Variants in AP1S1 observed in about 807,000 individuals in gnomAD.
AP1S1 encodes AP-1 complex subunit sigma-1A.
Under a neutral mutation model 23.9 loss-of-function variants are expected in AP1S1, and 13 were observed. The ratio of observed to expected loss-of-function variants is 0.54; its 90% CI spans 0.35 to 0.86. AP1S1 has a LOEUF of 0.86. Among genes scored for constraint, AP1S1 ranks in the 40% least tolerant of loss-of-function variants. The pLI is 0.01. For synonymous variants in AP1S1, 84 were observed against 77.7 expected (o/e 1.08, Z -0.43); for missense variants, 119 against 197.6 (o/e 0.60, Z 2.38).
chr7:101,159,281 G>C, intron 4 of AP1S1, 85 bp downstream of exon 4: 1 of 1,519,798 alleles, frequency 6.6e-7, no homozygotes, highest in East Asian at 2.5e-5. Flanking sequence ...GGCCTGCCCT[G>C]CCCACCGTCG....
At position 101,159,024 on chromosome 7, in the gene AP1S1, T is replaced by G. The variant is rs373555973; in HGVS notation, c.292-35T>G. 5.7e-4 allele frequency: 916 copies of G among 1,607,976 alleles called. 1 individual carries two copies. Among genetic ancestry groups the G allele is most frequent in the Non-Finnish European group, 6.9e-4 (817 of 1,176,986 alleles). On this transcript the variant is annotated intron_variant, in intron 3 of 4. Coordinates refer to ENST00000337619, the MANE Select transcript of AP1S1 (RefSeq NM_001283.5). ...AAAAGGAAGTGGCTCCAGTTGCCCC[T>G]CCATGCTCAACTTAGCCTCTCCCCG...
chr7:101,159,717 G>A (rs1453048349), intron 4 of AP1S1, among the ~76,000 whole-genome samples: 2 of 151,464 alleles, frequency 1.3e-5, no homozygotes, highest in African/African-American at 4.8e-5. Flanking sequence ...CCTGGATGTT[G>A]GTTCTCCCTG....
In AP1S1 at chr7:101,154,791, T is replaced by C. The variant is rs1055705442; in HGVS notation, c.3+274T>C. The C allele has an allele frequency of 5.0e-5, 38 of 767,332 alleles. No individual in the cohort carries two copies. The African/African-American group carries it at 6.9e-4, about 14-fold the overall frequency. The allele number at this position is 767,332 out of a possible 1,614,324, so 47.5% of individuals were successfully genotyped here. A position where few individuals can be genotyped will look rare whatever the true frequency, so the allele number is the denominator to read the frequency against. Reference sequence around the variant, plus strand: ...CGAGCCGGGAGGGGCGCTCTGGTCTTGGCCCCTGGGGTCCCTCGATCCCCG... The same window carrying C: ...CGAGCCGGGAGGGGCGCTCTGGTCTCGGCCCCTGGGGTCCCTCGATCCCCG... On this transcript the variant is annotated intron_variant, in intron 1 of 4. Coordinates refer to ENST00000337619, the MANE Select transcript of AP1S1 (RefSeq NM_001283.5).
At chr7:101,158,039 C>G (rs1331632006) in intron 3 of AP1S1, among the ~76,000 whole-genome samples, 1 of 152,214 alleles carries the variant, frequency 6.6e-6, no homozygotes, top group Non-Finnish European at 1.5e-5. Context: ...GATCCTCCCA[C>G]CTCAGCCTCC....
chr7:101,156,619 G>A lies in AP1S1; in HGVS notation c.29G>A (p.Arg10Gln), dbSNP rs1270974062. The change falls in exon 2 of 5, where the codon CGG (arginine) becomes CAG (glutamine). Residue 10 changes from arginine to glutamine, a missense_variant. Physicochemically the swap from Arg to Gln is conservative, Grantham distance 43. Coordinates refer to ENST00000337619, the MANE Select transcript of AP1S1 (RefSeq NM_001283.5). Reference sequence around the variant, plus strand: ...ATGCGGTTCATGCTATTATTCAGCCGGCAGGGAAAACTGCGGCTGCAAAAA... The same window carrying A: ...ATGCGGTTCATGCTATTATTCAGCCAGCAGGGAAAACTGCGGCTGCAAAAA... MMRFMLLFSRQGKLRLQKWY... is the reference protein window; with the variant it reads MMRFMLLFSQQGKLRLQKWY... The A allele has an allele frequency of 1.2e-6, 2 of 1,612,366 alleles. No individual in the cohort carries two copies. Among genetic ancestry groups the A allele is most frequent in the Non-Finnish European group, 1.7e-6 (2 of 1,179,322 alleles).
Position 101,154,529 on chromosome 7 carries a change from G to A in AP1S1, c.3+12G>A. On this transcript the variant is annotated intron_variant, in intron 1 of 4. Coordinates refer to ENST00000337619, the MANE Select transcript of AP1S1 (RefSeq NM_001283.5). ...GAGGCTGCAGGATGGTAGGCTGTGC[G>A]AAGAGGGAGGGGAGGGGGAAGCGAG... is the stretch of plus-strand genomic sequence containing the variant. The A allele has an allele frequency of 6.4e-7, 1 of 1,568,172 alleles. No homozygotes were observed. Among genetic ancestry groups the A allele is most frequent in the South Asian group, 1.2e-5 (1 of 85,246 alleles).
At position 101,157,604 on chromosome 7, in the gene AP1S1, A is replaced by G. The variant is rs1462404137; in HGVS notation, c.291+119A>G. 10 of 737,186 alleles carry G rather than the reference A, an allele frequency of 1.4e-5. No individual in the cohort carries two copies. The Admixed American group carries it at 2.1e-4, about 16-fold the overall frequency. 45.7% of individuals were successfully genotyped at this position (737,186 alleles called of 1,614,324 possible). On this transcript the variant is annotated intron_variant, in intron 3 of 4. Coordinates refer to ENST00000337619, the MANE Select transcript of AP1S1 (RefSeq NM_001283.5). ...TTCAGGGGAGAGGTGAAGTTGGAGC[A>G]GTAAGAACAGTAATTAATTTCCCTT...
At chr7:101,160,361 A>C (rs1462917113) in intron 4 of AP1S1, among the ~76,000 whole-genome samples, 158 bp from the exon 5 acceptor site, 3 of 151,948 alleles carry the variant, frequency 2.0e-5, no homozygotes, top group Non-Finnish European at 4.4e-5. Context: ...TGCCCCATGA[A>C]GGGCTCACTG....
At chr7:101,154,840 G>C in intron 1 of AP1S1, 1 of 845,436 alleles carries the variant, frequency 1.2e-6, no homozygotes, top group Non-Finnish European at 1.7e-6. Flanking sequence ...GCCCGAAGCA[G>C]AGGGTTGCGG....
At chr7:101,159,315 G>A in intron 4 of AP1S1, 119 bp downstream of exon 4, 1 of 1,418,616 alleles carries the variant, frequency 7.0e-7, no homozygotes, top group Non-Finnish European at 9.5e-7. Context: ...CCTCCCTGTG[G>A]TATCTGACCC....
intron 3 of AP1S1, 48 bp from the exon 4 acceptor site, chr7:101,159,011 C>A: frequency 6.2e-7 from 1 of 1,602,546 alleles, no homozygotes; most frequent in Non-Finnish European, 8.5e-7. Flanking sequence ...AAGGAAGTGG[C>A]TCCAGTTGCC....
intron 4 of AP1S1, 53 bp from the exon 5 acceptor site, chr7:101,160,466 C>CTGTCGGCCTCTCCTGG: frequency 6.3e-7 from 1 of 1,597,852 alleles, no homozygotes; most frequent in Non-Finnish European, 8.5e-7. Context: ...CTTGCCCACC[C>CTGTCGGCCTCTCCTGG]TGTCGGCCTC....
chr7:101,159,333 G>T, intron 4 of AP1S1, 137 bp downstream of exon 4: 1 of 1,289,720 alleles, frequency 7.8e-7, no homozygotes, highest in Non-Finnish European at 1.1e-6. Context: ...CCCCCACCAC[G>T]CCCAGCTCTC....
chr7:101,159,457 G>A, intron 4 of AP1S1: 1 of 486,750 alleles, frequency 2.1e-6, no homozygotes, highest in Non-Finnish European at 3.6e-6. Context: ...GATGTCTCGT[G>A]GCCACCCAGT....
intron 2 of AP1S1, 34 bp downstream of exon 2, chr7:101,156,806 T>C: frequency 6.8e-7 from 1 of 1,477,086 alleles, no homozygotes; most frequent in Non-Finnish European, 9.0e-7. Context: ...CCTGCCTAGA[T>C]TCAAGTTGGG....
At position 101,160,950 on chromosome 7, in the gene AP1S1, C is replaced by T; in HGVS notation, c.*384C>T. The T allele has an allele frequency of 2.8e-6, 1 of 355,092 alleles. No individual in the cohort carries two copies. Among genetic ancestry groups the T allele is most frequent in the South Asian group, 2.0e-5 (1 of 49,406 alleles). The allele number at this position is 355,092 out of a possible 1,614,324, so 22.0% of individuals were successfully genotyped here. ...TCAGGGCACTTCTTGTCCTCTCTGTCCCATAACCTACCTCCACCCTCCCCC... is the reference window on the plus strand; with the variant it reads ...TCAGGGCACTTCTTGTCCTCTCTGTTCCATAACCTACCTCCACCCTCCCCC... On this transcript the variant is annotated 3_prime_UTR_variant, in exon 5 of 5. Transcript: ENST00000337619.
chr7:101,155,167 C>T (rs928806710), intron 1 of AP1S1: 4 of 376,174 alleles, frequency 1.1e-5, no homozygotes, highest in Non-Finnish European at 1.5e-5. Flanking sequence ...TCCCCACCCC[C>T]CTATTTGAGC....
At chr7:101,156,927 T>TTG (rs1797001769) in intron 2 of AP1S1, among the ~76,000 whole-genome samples, 155 bp downstream of exon 2, 1 of 151,700 alleles carries the variant, frequency 6.6e-6, no homozygotes, top group Non-Finnish European at 1.5e-5. Flanking sequence ...TTTTTTTTTT[T>TTG]TTCTCCCCAA....
chr7:101,155,147 TC>T (rs1796973190), intron 1 of AP1S1: 1 of 523,366 alleles, frequency 1.9e-6, no homozygotes, highest in Non-Finnish European at 2.5e-6. Context: ...CCTTCCGTCT[TC>T]CTGCTTGCTC....
Sources: gnomAD v4.1 joint callset for allele counts (sites outside exome capture counted in the v4.1 genomes callset) on GRCh38, gnomAD v4.1.1 for gene constraint, MANE v1.5 for transcripts, NCBI Gene and HGNC (gene_info 2026-07-23, HGNC 2026-07-21) for gene names.